Variants in GUCY1A2 observed in about 807,000 individuals in gnomAD.
GUCY1A2 encodes guanylate cyclase 1 soluble subunit alpha 2.
GUCY1A2 carries 27 observed loss-of-function variants against 63.5 expected under a neutral mutation model. The ratio of observed to expected loss-of-function variants is 0.43; its 90% CI spans 0.31 to 0.59. GUCY1A2 has a LOEUF of 0.59. Ranked by LOEUF, GUCY1A2 falls within the 20% of genes least tolerant of loss-of-function variation. The pLI is 0.11. For synonymous variants in GUCY1A2, 364 were observed against 343.5 expected (o/e 1.06, Z -0.66); for missense variants, 768 against 913.3 (o/e 0.84, Z 2.05).
At position 106,827,879 on chromosome 11, in the gene GUCY1A2, C is replaced by T. The variant is rs1858994537; in HGVS notation, c.1207-17401G>A. 3 of 1,580,552 alleles carry T rather than the reference C, an allele frequency of 1.9e-6. No individual in the cohort carries two copies. In the Admixed American group the frequency reaches 5.0e-5, roughly 26 times the overall value. ...ACTTCCCTGCAGTCATGGGAGGGCG[C>T]GCTGCCTTCATGCTGCCGGACTCCC... On this transcript the variant is annotated intron_variant, in intron 4 of 7. Transcript: ENST00000526355.
At position 106,680,906 on chromosome 11, in the gene GUCY1A2, A is replaced by G. The variant is rs144397786; in HGVS notation, c.*6643T>C. 4.8e-4 allele frequency: 97 copies of G among 203,268 alleles called. No homozygotes were observed. Among genetic ancestry groups the G allele is most frequent in the African/African-American group, 2.1e-3 (93 of 43,730 alleles). 12.6% of individuals were successfully genotyped at this position (203,268 alleles called of 1,614,324 possible). A position where few individuals can be genotyped will look rare whatever the true frequency, so the allele number is the denominator to read the frequency against. On this transcript the variant is annotated 3_prime_UTR_variant, in exon 8 of 8. Coordinates refer to ENST00000526355, the MANE Select transcript of GUCY1A2 (RefSeq NM_000855.3). ...GCTTAGGAATGAATCCTAAGCTTATATGCTAAATCATAATCTGATGTTTAG... is the reference window on the plus strand; with the variant it reads ...GCTTAGGAATGAATCCTAAGCTTATGTGCTAAATCATAATCTGATGTTTAG...
At chr11:106,865,193 T>C (rs893742694) in intron 4 of GUCY1A2, among the ~76,000 whole-genome samples, 5 of 152,140 alleles carry the variant, frequency 3.3e-5, no homozygotes, top group Admixed American at 6.6e-5. Flanking sequence ...TAGAGGTGTT[T>C]ATAGTATTCT....
At chr11:106,734,174 G>T (rs1863550873) in intron 6 of GUCY1A2, among the ~76,000 whole-genome samples, 1 of 152,016 alleles carries the variant, frequency 6.6e-6, no homozygotes, top group Non-Finnish European at 1.5e-5. Context: ...ACACAGAGTT[G>T]ACATGACCCA....
At chr11:106,943,772 C>T (rs1384632707) in intron 3 of GUCY1A2, among the ~76,000 whole-genome samples, 1 of 152,154 alleles carries the variant, frequency 6.6e-6, no homozygotes, top group East Asian at 1.9e-4. Flanking sequence ...ACATGACTTT[C>T]TCTCATGGGC....
chr11:106,687,310 A>T lies in GUCY1A2; in HGVS notation c.*239T>A, dbSNP rs1862543094. The T allele has an allele frequency of 1.9e-6, 1 of 514,432 alleles. No homozygotes were observed. The highest frequency in any genetic ancestry group is 1.9e-5 in the African/African-American group (1 of 52,626). 31.9% of individuals were successfully genotyped at this position (514,432 alleles called of 1,614,324 possible). A position where few individuals can be genotyped will look rare whatever the true frequency, so the allele number is the denominator to read the frequency against. On this transcript the variant is annotated 3_prime_UTR_variant, in exon 8 of 8. Coordinates refer to ENST00000526355, the MANE Select transcript of GUCY1A2 (RefSeq NM_000855.3). ...ACACTTGTAATTAAAATATATGTGT[A>T]TATATATGACCAAAACCACTCATAT...
chr11:106,732,668 G>A (rs1213993879), intron 6 of GUCY1A2, among the ~76,000 whole-genome samples: 2 of 152,136 alleles, frequency 1.3e-5, no homozygotes, highest in African/African-American at 4.8e-5. Context: ...TGGATTTAGT[G>A]AAAAACCATT....
At position 106,686,344 on chromosome 11, in the gene GUCY1A2, T is replaced by C. The variant is rs920102697; in HGVS notation, c.*1205A>G. 1 of 220,234 alleles carries C rather than the reference T, an allele frequency of 4.5e-6. No individual in the cohort carries two copies. Among genetic ancestry groups the C allele is most frequent in the Non-Finnish European group, 9.1e-6 (1 of 109,880 alleles). 13.6% of individuals were successfully genotyped at this position (220,234 alleles called of 1,614,324 possible). On this transcript the variant is annotated 3_prime_UTR_variant, in exon 8 of 8. Coordinates refer to ENST00000526355, the MANE Select transcript of GUCY1A2 (RefSeq NM_000855.3). ...CCTACTTCAGTATTCATGAAAGTGA[T>C]TCACTGAATTTAAAAGCCATATCAA...
intron 4 of GUCY1A2, among the ~76,000 whole-genome samples, chr11:106,912,634 G>A (rs1489544944): frequency 6.6e-6 from 1 of 152,030 alleles, no homozygotes; most frequent in Non-Finnish European, 1.5e-5. Flanking sequence ...CATTATGAAG[G>A]CTTGAGAATA....
chr11:106,790,559 G>A lies in GUCY1A2; in HGVS notation c.1693-13977C>T, dbSNP rs866262614. 2.0e-5 allele frequency among the ~76,000 whole-genome samples: 3 copies of A among 152,136 alleles called. No homozygotes were observed. In the South Asian group the frequency reaches 6.2e-4, roughly 32 times the overall value. ...TCCCCTCTGCTTTTCTCAACCAGAT[G>A]AAGTCGCTCACTGTAGCCTCCACAA... On this transcript the variant is annotated intron_variant, in intron 5 of 7. Coordinates refer to ENST00000526355, the MANE Select transcript of GUCY1A2 (RefSeq NM_000855.3).
chr11:106,833,081 G>C (rs1047943180), intron 4 of GUCY1A2, among the ~76,000 whole-genome samples: 25 of 151,984 alleles, frequency 1.6e-4, no homozygotes, highest in Non-Finnish European at 2.9e-4. Flanking sequence ...TCCTTGGCTT[G>C]CAGCAGCATA....
intron 4 of GUCY1A2, among the ~76,000 whole-genome samples, chr11:106,925,365 T>C (rs527260071): frequency 1.3e-5 from 2 of 152,226 alleles, no homozygotes; most frequent in Non-Finnish European, 2.9e-5. Context: ...CACATTCTTC[T>C]GTCTCTTACT....
chr11:106,924,121 G>A (rs1386757480), intron 4 of GUCY1A2, among the ~76,000 whole-genome samples: 1 of 152,110 alleles, frequency 6.6e-6, no homozygotes, highest in Non-Finnish European at 1.5e-5. Context: ...CATATGTTTT[G>A]TCATAACATT....
chr11:106,953,790 A>AT (rs201225258), intron 3 of GUCY1A2, among the ~76,000 whole-genome samples: 2,596 of 151,618 alleles, frequency 0.017, 75 homozygotes, highest in East Asian at 0.1. Flanking sequence ...TTTCTTCTAG[A>AT]TTTTCTAGTT....
At chr11:106,785,956 CCTT>C (rs1864548856) in intron 5 of GUCY1A2, among the ~76,000 whole-genome samples, 1 of 151,724 alleles carries the variant, frequency 6.6e-6, no homozygotes, top group East Asian at 1.9e-4. Context: ...CCCATGTACT[CCTT>C]CTCTGTTCTC....
chr11:106,896,154 T>C (rs1860046324), intron 4 of GUCY1A2, among the ~76,000 whole-genome samples: 1 of 151,858 alleles, frequency 6.6e-6, no homozygotes, highest in Non-Finnish European at 1.5e-5. Context: ...AGCATGCAAG[T>C]CTAGTTTAAT....
At chr11:106,764,306 A>G (rs189604422) in intron 6 of GUCY1A2, among the ~76,000 whole-genome samples, 55 of 152,248 alleles carry the variant, frequency 3.6e-4, no homozygotes, top group Admixed American at 6.5e-5. Flanking sequence ...TTATTAGCTT[A>G]GTCATAAGAT....
At chr11:106,908,706 A>T (rs1860249010) in intron 4 of GUCY1A2, among the ~76,000 whole-genome samples, 1 of 152,078 alleles carries the variant, frequency 6.6e-6, no homozygotes, top group Admixed American at 6.6e-5. Flanking sequence ...ATAAAAGAAC[A>T]CTTTAACAGC....
intron 4 of GUCY1A2, chr11:106,827,632 C>A (rs565685910): frequency 3.9e-6 from 6 of 1,528,522 alleles, no homozygotes; most frequent in Non-Finnish European, 5.4e-6. Context: ...AGTTGCTTTA[C>A]GCCAGATTCT....
chr11:106,914,243 C>A (rs1860338290), intron 4 of GUCY1A2, among the ~76,000 whole-genome samples: 1 of 151,958 alleles, frequency 6.6e-6, no homozygotes, highest in Admixed American at 6.6e-5. Flanking sequence ...GTGACATGCC[C>A]TTGAACTTAA....
Sources: gnomAD v4.1 joint callset for allele counts (sites outside exome capture counted in the v4.1 genomes callset) on GRCh38, gnomAD v4.1.1 for gene constraint, MANE v1.5 for transcripts, NCBI Gene and HGNC (gene_info 2026-07-23, HGNC 2026-07-21) for gene names.